LRRIQ3: variants seen among roughly 807,000 people sequenced by gnomAD.
LRRIQ3 encodes the protein leucine rich repeats and IQ motif containing 3, also known as leucine-rich repeat and IQ domain-containing protein 3.
Under a neutral mutation model 59.3 loss-of-function variants are expected in LRRIQ3, and 75 were observed. That is an observed-to-expected ratio of 1.26 (90% confidence interval 1.05 to 1.53). The LOEUF (loss-of-function observed/expected upper bound fraction) is 1.53, where lower values mean the gene tolerates loss of function less well. LRRIQ3 is among the 40% of genes most tolerant of loss of function. The pLI is 0.00. For missense variants in LRRIQ3, 831 were observed against 710.0 expected (o/e 1.17, Z -1.94); for synonymous variants, 250 against 231.3 (o/e 1.08, Z -0.73).
At chr1:74,154,341 TA>T (rs1648193714) in intron 4 of LRRIQ3, among the ~76,000 whole-genome samples, 1 of 144,736 alleles carries the variant, frequency 6.9e-6, no homozygotes, top group Non-Finnish European at 1.5e-5. Context: ...TTCCCACAAA[TA>T]GAAATAAGTA....
At chr1:74,112,776 A>G (rs1333002986) in intron 4 of LRRIQ3, among the ~76,000 whole-genome samples, 2 of 152,174 alleles carry the variant, frequency 1.3e-5, no homozygotes, top group African/African-American at 2.4e-5. Context: ...CAGGGAAAAT[A>G]GACTTCACTA....
At chr1:74,145,156 A>G (rs1045005047) in intron 4 of LRRIQ3, among the ~76,000 whole-genome samples, 2 of 152,034 alleles carry the variant, frequency 1.3e-5, no homozygotes, top group East Asian at 3.9e-4. Context: ...TCCATTTTCC[A>G]TTTTCCTAAG....
chr1:74,130,300 TC>T (rs1276330798), intron 4 of LRRIQ3, among the ~76,000 whole-genome samples: 1 of 152,034 alleles, frequency 6.6e-6, no homozygotes, highest in Non-Finnish European at 1.5e-5. Flanking sequence ...ATGAGCAACT[TC>T]CCTATGGCTA....
At chr1:74,079,576 C>A (rs1283999951) in intron 5 of LRRIQ3, among the ~76,000 whole-genome samples, 1 of 151,842 alleles carries the variant, frequency 6.6e-6, no homozygotes, top group Non-Finnish European at 1.5e-5. Flanking sequence ...TGTTTGCTAA[C>A]GTAGGTTAAG....
At chr1:74,057,431 T>G (rs75611709) in intron 6 of LRRIQ3, among the ~76,000 whole-genome samples, 2 of 151,966 alleles carry the variant, frequency 1.3e-5, no homozygotes. Flanking sequence ...AGAGAGCCCA[T>G]AAATAAATTC....
chr1:74,147,620 T>C (rs1647661885), intron 4 of LRRIQ3, among the ~76,000 whole-genome samples: 1 of 152,334 alleles, frequency 6.6e-6, no homozygotes, highest in South Asian at 2.1e-4. Context: ...GCATGTATTA[T>C]TGATAAAAAC....
At chr1:74,039,409 A>G (rs1315391487) in intron 7 of LRRIQ3, among the ~76,000 whole-genome samples, 2 of 152,202 alleles carry the variant, frequency 1.3e-5, no homozygotes, top group African/African-American at 4.8e-5. Flanking sequence ...ACATGTCAGG[A>G]TACTATCTAG....
At chr1:74,157,065 T>C (rs1480389854) in intron 3 of LRRIQ3, among the ~76,000 whole-genome samples, 1 of 152,172 alleles carries the variant, frequency 6.6e-6, no homozygotes, top group East Asian at 1.9e-4. Context: ...TTCCGATTTA[T>C]ACTTTCAAAC....
intron 5 of LRRIQ3, among the ~76,000 whole-genome samples, chr1:74,104,448 AGG>A (rs1330608081): frequency 6.6e-6 from 1 of 152,072 alleles, no homozygotes; most frequent in African/African-American, 2.4e-5. Flanking sequence ...GTCCTTCAAC[AGG>A]TGAACGCATG....
At chr1:74,050,715 A>AG in intron 6 of LRRIQ3, 1 of 214,376 alleles carries the variant, frequency 4.7e-6, no homozygotes, top group Non-Finnish European at 8.0e-6. Context: ...GTGATACATA[A>AG]GCTTTAAGTT....
intron 5 of LRRIQ3, among the ~76,000 whole-genome samples, chr1:74,075,568 GAAAA>G (rs745376071): frequency 7.4e-6 from 1 of 134,524 alleles, no homozygotes; most frequent in Non-Finnish European, 1.6e-5. Context: ...CTCCGTCTCA[GAAAA>G]AAAAAAAAAG....
rs199758674 is a variant in LRRIQ3 at position 74,178,336 on chromosome 1, G to GT, written c.573+4201dup. Among the ~76,000 whole-genome samples the GT allele has an allele frequency of 2.7e-5, 4 of 150,726 alleles. No individual in the cohort carries two copies. The South Asian group carries it at 8.5e-4, about 32-fold the overall frequency. On this transcript the variant is annotated intron_variant, in intron 3 of 7. Transcript: ENST00000354431. ...TAATCTTACTTTTGACACTTTTATGGTTTTTTTCATATAGACTGTTTAACT... is the reference window on the plus strand; with the variant it reads ...TAATCTTACTTTTGACACTTTTATGGTTTTTTTTCATATAGACTGTTTAACT...
At position 74,074,722 on chromosome 1, in the gene LRRIQ3, A is replaced by G. The variant is rs1451514119; in HGVS notation, c.936T>C (p.Cys312=). The G allele has an allele frequency of 6.8e-7, 1 of 1,460,826 alleles. No homozygotes were observed. Among genetic ancestry groups the G allele is most frequent in the Non-Finnish European group, 9.2e-7 (1 of 1,083,126 alleles). The allele number at this position is 1,460,826 out of a possible 1,614,324, so 90.5% of individuals were successfully genotyped here. ...EHRKHVSSIL[C]ELKPKDLGMK... is the part of the protein sequence containing the mutation. ...TGCCTAGATCTTTTGGTTTTAATTCACATAAAATAGATGACACATGTTTTC... is the reference window on the plus strand; with the variant it reads ...TGCCTAGATCTTTTGGTTTTAATTCGCATAAAATAGATGACACATGTTTTC... The change falls in exon 6 of 8, where the codon TGT becomes TGC. Residue 312 remains cysteine, a synonymous_variant. Transcript: ENST00000354431.
At chr1:74,059,894 T>C (rs950973347) in intron 6 of LRRIQ3, among the ~76,000 whole-genome samples, 3 of 152,124 alleles carry the variant, frequency 2.0e-5, no homozygotes, top group Admixed American at 6.6e-5. Context: ...ACTTCCTTCA[T>C]TAAATTTATT....
At chr1:74,052,224 C>G (rs749924561) in intron 6 of LRRIQ3, among the ~76,000 whole-genome samples, 15 of 152,140 alleles carry the variant, frequency 9.9e-5, no homozygotes, top group Non-Finnish European at 2.2e-4. Context: ...TCCACTGAAA[C>G]AGTGCTTTGG....
intron 4 of LRRIQ3, among the ~76,000 whole-genome samples, chr1:74,135,993 A>G (rs1647116762): frequency 6.6e-6 from 1 of 151,898 alleles, no homozygotes; most frequent in South Asian, 2.1e-4. Flanking sequence ...GCAAACCTCT[A>G]GGTAAGCTAA....
At chr1:74,175,834 TA>T (rs1297404828) in intron 3 of LRRIQ3, among the ~76,000 whole-genome samples, 1 of 152,178 alleles carries the variant, frequency 6.6e-6, no homozygotes, top group Non-Finnish European at 1.5e-5. Context: ...CACAGTCAAC[TA>T]ATGTCACAAC....
chr1:74,129,170 C>T (rs539352409), intron 4 of LRRIQ3, among the ~76,000 whole-genome samples: 4 of 152,156 alleles, frequency 2.6e-5, no homozygotes, highest in African/African-American at 4.8e-5. Flanking sequence ...TGAAGCCAGC[C>T]AGGCTTGTTT....
rs1172964644 is a variant in LRRIQ3 at position 74,026,457 on chromosome 1, T to C, written c.*356A>G. 6.3e-6 allele frequency: 1 copy of C among 158,594 alleles called. No individual in the cohort carries two copies. Among genetic ancestry groups the C allele is most frequent in the African/African-American group, 2.4e-5 (1 of 41,624 alleles). The allele number at this position is 158,594 out of a possible 1,614,324, so 9.8% of individuals were successfully genotyped here. A position where few individuals can be genotyped will look rare whatever the true frequency, so the allele number is the denominator to read the frequency against. ...AGTCAGCAGTTGGAGTAGAAATTAC[T>C]ATTCTAAGGTTTCCAGAAAAACCTA... On this transcript the variant is annotated 3_prime_UTR_variant, in exon 8 of 8. Transcript: ENST00000354431.
Sources: allele counts gnomAD v4.1 joint callset (sites outside exome capture counted in the v4.1 genomes callset), GRCh38; gene constraint gnomAD v4.1.1; transcripts MANE v1.5; gene names NCBI Gene and HGNC (gene_info 2026-07-23, HGNC 2026-07-21).